Variants in ACTR3C observed in about 807,000 individuals in gnomAD.
ACTR3C encodes the protein actin-related protein 3C.
A neutral mutation model predicts 26.3 loss-of-function variants in ACTR3C; 18 were observed. The ratio of observed to expected loss-of-function variants is 0.68; its 90% CI spans 0.47 to 1.01. The LOEUF (loss-of-function observed/expected upper bound fraction) is 1.01. Among genes scored for constraint, ACTR3C ranks in the 50% least tolerant of loss-of-function variants. The pLI is 0.00. For synonymous variants in ACTR3C, 55 were observed against 94.5 expected (o/e 0.58, Z 2.42); for missense variants, 184 against 250.7 (o/e 0.73, Z 1.80).
At chr7:149,986,804 C>A in the ACTR3C span, among the ~76,000 whole-genome samples, 4 of 148,888 alleles carry the variant, frequency 2.7e-5, no homozygotes, top group African/African-American at 1.0e-4. Flanking sequence ...CTTACCTTGA[C>A]TTGTGTGACT....
chr7:150,080,080 C>T, the ACTR3C span, among the ~76,000 whole-genome samples: 18 of 152,160 alleles, frequency 1.2e-4, no homozygotes, highest in African/African-American at 4.3e-4. Flanking sequence ...ACATGAATGG[C>T]ATAGGAATGA....
chr7:149,960,844 C>G, the ACTR3C span, among the ~76,000 whole-genome samples: 1 of 152,136 alleles, frequency 6.6e-6, no homozygotes, highest in African/African-American at 2.4e-5. Context: ...TGCAAGAATC[C>G]CAAGAGCAAG....
the ACTR3C span, among the ~76,000 whole-genome samples, chr7:150,070,576 G>A: frequency 1.3e-5 from 2 of 151,866 alleles, no homozygotes; most frequent in Non-Finnish European, 2.9e-5. Flanking sequence ...GCAATCTCCT[G>A]GGTAGTTGGA....
intron 1 of ACTR3C, among the ~76,000 whole-genome samples, chr7:150,301,116 A>G (rs912479302): frequency 6.6e-6 from 1 of 152,250 alleles, no homozygotes; most frequent in African/African-American, 2.4e-5. Context: ...AACAGCCATA[A>G]TAGCCAATAT....
At chr7:150,110,278 C>CT in the ACTR3C span, among the ~76,000 whole-genome samples, 332 of 151,698 alleles carry the variant, frequency 2.2e-3, no homozygotes, top group African/African-American at 7.5e-3. Flanking sequence ...AAAGAGTTGT[C>CT]TTTTTGAGCA....
At chr7:149,960,589 C>T in the ACTR3C span, among the ~76,000 whole-genome samples, 5 of 152,272 alleles carry the variant, frequency 3.3e-5, no homozygotes, top group African/African-American at 7.2e-5. Context: ...ACAAGGCTGA[C>T]TTGGTTCCGT....
chr7:149,963,624 C>G, the ACTR3C span, among the ~76,000 whole-genome samples: 2 of 152,122 alleles, frequency 1.3e-5, no homozygotes, highest in South Asian at 2.1e-4. Context: ...GAGCCAACCT[C>G]ACATTGACTA....
At chr7:150,261,701 C>CAAAA (rs554267994) in intron 6 of ACTR3C, among the ~76,000 whole-genome samples, 4,048 of 109,566 alleles carry the variant, frequency 0.037, 119 homozygotes, top group African/African-American at 0.14. Flanking sequence ...GACTCCATCT[C>CAAAA]ATAAATAAAT....
At chr7:149,989,931 C>T in the ACTR3C span, among the ~76,000 whole-genome samples, 3,157 of 152,236 alleles carry the variant, frequency 0.021, 52 homozygotes, top group African/African-American at 0.054. Flanking sequence ...TCCACATCCT[C>T]GCCAACACTT....
chr7:150,317,402 GA>G (rs1797043887), intron 1 of ACTR3C, among the ~76,000 whole-genome samples: 1 of 152,056 alleles, frequency 6.6e-6, no homozygotes. Flanking sequence ...GGCGGCTTTT[GA>G]TTCCCATTTA....
chr7:150,322,893 C>G (rs144360208), intron 1 of ACTR3C: 1 of 152,284 alleles, frequency 6.6e-6, no homozygotes, highest in African/African-American at 2.4e-5. Context: ...ACGCGGGAGA[C>G]CTGGATCCTT....
At chr7:150,091,862 C>T in the ACTR3C span, among the ~76,000 whole-genome samples, 1 of 150,426 alleles carries the variant, frequency 6.6e-6, no homozygotes, top group Non-Finnish European at 1.5e-5. Context: ...GTGGCGGGCG[C>T]CTGTAGTCCC....
At chr7:150,285,759 C>T (rs948583587) in intron 5 of ACTR3C, among the ~76,000 whole-genome samples, 3 of 152,148 alleles carry the variant, frequency 2.0e-5, no homozygotes, top group Non-Finnish European at 2.9e-5. Flanking sequence ...AAATAAAATG[C>T]ATTATATGTA....
chr7:150,042,219 C>T, the ACTR3C span, among the ~76,000 whole-genome samples: 3 of 21,734 alleles, frequency 1.4e-4, 1 homozygote, highest in Non-Finnish European at 2.5e-4. Flanking sequence ...TAGCAACAGC[C>T]GGGGGTGGAA....
the ACTR3C span, among the ~76,000 whole-genome samples, chr7:150,137,385 C>T: frequency 6.6e-6 from 1 of 152,154 alleles, no homozygotes; most frequent in Non-Finnish European, 1.5e-5. Context: ...TACACTAAAG[C>T]CCCCATAGTG....
chr7:149,980,839 G>A, the ACTR3C span, among the ~76,000 whole-genome samples: 3 of 152,194 alleles, frequency 2.0e-5, no homozygotes, highest in African/African-American at 4.8e-5. Context: ...ATTTGCCACA[G>A]AAACACATAT....
chr7:150,095,242 G>A, the ACTR3C span, among the ~76,000 whole-genome samples: 16 of 148,888 alleles, frequency 1.1e-4, no homozygotes, highest in Non-Finnish European at 1.9e-4. Context: ...GTCAAATCCC[G>A]GGGTCTGACC....
chr7:150,188,654 A>G, the ACTR3C span, among the ~76,000 whole-genome samples: 1 of 151,826 alleles, frequency 6.6e-6, no homozygotes, highest in African/African-American at 2.4e-5. Flanking sequence ...GTAACAAAAG[A>G]GCACAAGGGT....
At chr7:150,292,950 C>T (rs1259121444) in intron 3 of ACTR3C, among the ~76,000 whole-genome samples, 7 of 152,262 alleles carry the variant, frequency 4.6e-5, no homozygotes, top group Admixed American at 6.5e-5. Context: ...CCCAACATGT[C>T]GGAATAACCC....
Sources: allele counts gnomAD v4.1 joint callset (sites outside exome capture counted in the v4.1 genomes callset), GRCh38; gene constraint gnomAD v4.1.1; transcripts MANE v1.5; gene names NCBI Gene and HGNC (gene_info 2026-07-23, HGNC 2026-07-21).